Variants in TTBK2 observed in about 807,000 individuals in gnomAD.
TTBK2 encodes tau tubulin kinase 2.
Under a neutral mutation model 110.8 loss-of-function variants are expected in TTBK2, and 28 were observed. The observed-to-expected ratio is 0.25, with a 90% confidence interval of 0.19 to 0.35. The LOEUF (loss-of-function observed/expected upper bound fraction) is 0.35, where lower values mean the gene tolerates loss of function less well. Ranked by LOEUF, TTBK2 falls within the 10% of genes least tolerant of loss-of-function variation. The probability of loss-of-function intolerance (pLI) is 1.00; values close to 1 mark genes in which losing one functional copy is unlikely to be tolerated. For synonymous variants in TTBK2, 532 were observed against 527.3 expected (o/e 1.01, Z -0.12); for missense variants, 1,369 against 1,500.3 (o/e 0.91, Z 1.45).
chr15:42,801,171 G>A (rs141551647), intron 9 of TTBK2: 1 of 1,244,498 alleles, frequency 8.0e-7, no homozygotes, highest in Non-Finnish European at 1.1e-6. Context: ...GCTGCTGGTG[G>A]TCTTCATATG....
chr15:42,801,560 T>A, intron 9 of TTBK2: 1 of 768,186 alleles, frequency 1.3e-6, no homozygotes, highest in Admixed American at 1.7e-5. Context: ...CTCCTTATAC[T>A]TGATCTAGTA....
intron 13 of TTBK2, among the ~76,000 whole-genome samples, chr15:42,754,091 T>G (rs976462087): frequency 1.3e-5 from 2 of 151,458 alleles, no homozygotes; most frequent in African/African-American, 4.8e-5. Context: ...TTTTCTTTTT[T>G]TTTTTTTTTT....
chr15:42,899,535 T>C (rs946274914), intron 1 of TTBK2, among the ~76,000 whole-genome samples: 2 of 151,682 alleles, frequency 1.3e-5, no homozygotes, highest in African/African-American at 4.8e-5. Context: ...GGTCAGGAGA[T>C]CGAGACCATC....
chr15:42,890,420 G>T (rs552422283), intron 1 of TTBK2, among the ~76,000 whole-genome samples: 1 of 152,266 alleles, frequency 6.6e-6, no homozygotes, highest in East Asian at 1.9e-4. Flanking sequence ...CTCCTGCTCT[G>T]AGGATCCTTC....
intron 3 of TTBK2, among the ~76,000 whole-genome samples, chr15:42,851,854 T>C (rs1165379360): frequency 6.6e-6 from 1 of 152,134 alleles, no homozygotes; most frequent in East Asian, 1.9e-4. Context: ...TCTGTTGTGT[T>C]GATTTTCAAG....
At chr15:42,897,642 C>A (rs1054972861) in intron 1 of TTBK2, among the ~76,000 whole-genome samples, 6 of 152,140 alleles carry the variant, frequency 3.9e-5, no homozygotes, top group Non-Finnish European at 7.3e-5. Context: ...AACATTCATC[C>A]ATTCGACAAG....
At chr15:42,896,798 AAAAAT>A (rs2141178178) in intron 1 of TTBK2, among the ~76,000 whole-genome samples, 1 of 152,272 alleles carries the variant, frequency 6.6e-6, no homozygotes, top group Non-Finnish European at 1.5e-5. Flanking sequence ...CTGTCTCCAA[AAAAAT>A]AAAATAAATA....
intron 9 of TTBK2, chr15:42,800,277 T>C (rs2140889702): frequency 2.3e-6 from 1 of 437,694 alleles, no homozygotes; most frequent in African/African-American, 2.0e-5. Context: ...ATTGACTATA[T>C]ACCTATATGC....
intron 1 of TTBK2, among the ~76,000 whole-genome samples, chr15:42,892,355 T>G (rs1403541467): frequency 6.6e-6 from 1 of 152,184 alleles, no homozygotes; most frequent in East Asian, 1.9e-4. Flanking sequence ...CAGAGTTAAA[T>G]AACTGCAACA....
chr15:42,838,487 T>C (rs1271296995), intron 4 of TTBK2, among the ~76,000 whole-genome samples: 1 of 152,070 alleles, frequency 6.6e-6, no homozygotes, highest in East Asian at 1.9e-4. Flanking sequence ...ATTTCTTTCC[T>C]CTGCTCCCTC....
At chr15:42,864,759 G>A (rs183643576) in intron 3 of TTBK2, among the ~76,000 whole-genome samples, 10 of 152,194 alleles carry the variant, frequency 6.6e-5, no homozygotes, top group Non-Finnish European at 2.9e-5. Flanking sequence ...TGGAGAGAAG[G>A]AAAGTAATAT....
intron 9 of TTBK2, among the ~76,000 whole-genome samples, chr15:42,803,102 T>TTA (rs147950165): frequency 4.6e-5 from 7 of 152,076 alleles, no homozygotes; most frequent in South Asian, 2.1e-4. Context: ...AAATTCCCCT[T>TTA]TATATATATA....
intron 1 of TTBK2, among the ~76,000 whole-genome samples, chr15:42,918,510 T>TA (rs1168334788): frequency 6.6e-6 from 1 of 152,182 alleles, no homozygotes; most frequent in Non-Finnish European, 1.5e-5. Context: ...ATAAAGCATA[T>TA]AAAAAAGTGG....
intron 3 of TTBK2, among the ~76,000 whole-genome samples, chr15:42,844,315 C>T (rs913682316): frequency 2.0e-5 from 3 of 152,190 alleles, no homozygotes; most frequent in African/African-American, 7.2e-5. Context: ...GTAATCCCAA[C>T]ACTTTGGAAG....
Position 42,752,048 on chromosome 15 carries a change from A to G in TTBK2, c.3198T>C (p.Asn1066=), listed in dbSNP as rs780651650. 2 of 1,614,084 alleles carry G rather than the reference A, an allele frequency of 1.2e-6. No homozygotes were observed. Among genetic ancestry groups the G allele is most frequent in the African/African-American group, 2.7e-5 (2 of 74,924 alleles). ...PVSWVNTDQV[N]SSTSSQFFPR... is the part of the protein sequence containing the mutation. ...GAAAGAACTGAGACGAAGTTGAGCT[A>G]TTGACCTGATCTGTGTTGACCCATG... The change falls in exon 14 of 15, where the codon AAT becomes AAC. Residue 1066 remains asparagine (N), a synonymous_variant. Transcript: ENST00000267890.
At position 42,775,398 on chromosome 15, in the gene TTBK2, A is replaced by AAGG. The variant is rs1272327319; in HGVS notation, c.1732_1734dup (p.Pro578dup). ...TGAAGTACTTCAGGCTCCTCATCAG[A>AAGG]AGGACTTCCAGTTGTTTTATGTCCT... On this transcript the variant is annotated inframe_insertion, in exon 13 of 15. Transcript: ENST00000267890. 1.2e-6 allele frequency: 2 copies of AAGG among 1,614,060 alleles called. No individual in the cohort carries two copies. The highest frequency in any genetic ancestry group is 3.3e-5 in the Admixed American group (2 of 60,002).
At chr15:42,854,481 A>C (rs571161398) in intron 3 of TTBK2, among the ~76,000 whole-genome samples, 3 of 152,314 alleles carry the variant, frequency 2.0e-5, no homozygotes, top group African/African-American at 4.8e-5. Context: ...GTTCAAAGTC[A>C]TTCTGTCATA....
At chr15:42,878,242 A>G (rs1261497584) in intron 2 of TTBK2, among the ~76,000 whole-genome samples, 1 of 151,506 alleles carries the variant, frequency 6.6e-6, no homozygotes. Context: ...TCGGCCTCCC[A>G]AAGTGCTGGG....
chr15:42,777,645 G>A (rs1889991892), intron 11 of TTBK2, among the ~76,000 whole-genome samples: 1 of 152,140 alleles, frequency 6.6e-6, no homozygotes, highest in South Asian at 2.1e-4. Context: ...AGCCTGAGTC[G>A]CTATACCTCT....
Sources: gnomAD v4.1 joint callset for allele counts (sites outside exome capture counted in the v4.1 genomes callset) on GRCh38, gnomAD v4.1.1 for gene constraint, MANE v1.5 for transcripts, NCBI Gene and HGNC (gene_info 2026-07-23, HGNC 2026-07-21) for gene names.